The following LTK variants were observed in gnomAD, a reference collection of about 807,000 sequenced individuals.
LTK encodes the protein leukocyte tyrosine kinase receptor.
A neutral mutation model predicts 101.5 loss-of-function variants in LTK; 117 were observed. The ratio of observed to expected loss-of-function variants is 1.15; its 90% confidence interval spans 0.99 to 1.34. The LOEUF is 1.34. Ranked by LOEUF, LTK falls within the 40% of genes most tolerant of loss-of-function variation. The pLI is 0.00. For synonymous variants in LTK, 563 were observed against 494.2 expected (o/e 1.14, Z -1.85); for missense variants, 1,252 against 1,164.7 (o/e 1.07, Z -1.09).
chr15:41,507,242 G>A lies in LTK; in HGVS notation c.1394C>T (p.Pro465Leu). Reference sequence around the variant, plus strand: ...TCGAAGCTTGCTCAGCTCAAGCTCAGGGCTCGGCAGCCTCATCTCCTGCAG... The same window carrying A: ...TCGAAGCTTGCTCAGCTCAAGCTCAAGGCTCGGCAGCCTCATCTCCTGCAG... The part of the protein sequence containing the change: ...QGLQEMRLPS[P>L]ELELSKLRTS... The change falls in exon 11 of 20, where the codon CCT becomes CTT. Residue 465 changes from proline to leucine, a missense_variant. Physicochemically the swap from Pro to Leu is moderately conservative, Grantham distance 98. Transcript: ENST00000263800. The A allele has an allele frequency of 6.2e-7, 1 of 1,603,704 alleles. No homozygotes were observed. The highest frequency in any genetic ancestry group is 1.1e-5 in the South Asian group (1 of 90,726).
chr15:41,505,178 G>T (rs373624324), intron 15 of LTK, 30 bp downstream of exon 15: 3 of 1,605,012 alleles, frequency 1.9e-6, no homozygotes, highest in Non-Finnish European at 2.6e-6. Context: ...AGTTGGGATG[G>T]GGGTCCCCTG....
Position 41,511,479 on chromosome 15 carries a change from CG to C in LTK, c.756del (p.Glu253ArgfsTer121). On this transcript the variant is annotated frameshift_variant, in exon 6 of 20. Coordinates refer to ENST00000263800, the MANE Select transcript of LTK (RefSeq NM_002344.6). LOFTEE classifies it high-confidence loss of function. The surrounding 1 kb of genome is among the most constrained non-coding windows in gnomAD (Gnocchi z 5.9). ...GCCTCCGAGCGGTTCTCCAGTTTCT[CG>C]GGGGAGGCCTGAGTCCGGCCTCGGT... ...PRDRGRTQAS[P>X]EKLENRSEAP... 1 of 1,467,260 alleles carries C rather than the reference CG, an allele frequency of 6.8e-7. No individual in the cohort carries two copies. 90.9% of individuals were successfully genotyped at this position (1,467,260 alleles called of 1,614,324 possible).
At chr15:41,510,690 A>G (rs2051429778) in intron 7 of LTK, among the ~76,000 whole-genome samples, 1 of 151,872 alleles carries the variant, frequency 6.6e-6, no homozygotes, top group African/African-American at 2.4e-5. Context: ...CGAACTGGTG[A>G]CCTCAGGTGA....
chr15:41,512,073 C>T, intron 4 of LTK, 42 bp downstream of exon 4: 1 of 1,536,654 alleles, frequency 6.5e-7, no homozygotes, highest in South Asian at 1.2e-5. Context: ...CAGCCCTCGC[C>T]CCCGGCGCCG....
At chr15:41,512,915 C>T in intron 2 of LTK, 37 bp from the exon 3 acceptor site, 2 of 1,607,654 alleles carry the variant, frequency 1.2e-6, no homozygotes, top group South Asian at 1.1e-5. Context: ...CGTCGAGCCC[C>T]TGGCTGGGCC....
rs146631129 is a variant in LTK, at chr15:41,505,571, A to G, written c.1698-41T>C. The G allele has an allele frequency of 1.4e-3, 2,318 of 1,612,476 alleles. 28 individuals carry two copies. The African/African-American group carries it at 0.028, about 19-fold the overall frequency. ...GACATATCCCGTTACCAGGAGGGAG[A>G]CGGAAACCATGTTTTAGGCTCCACA... On this transcript the variant is annotated intron_variant, in intron 13 of 19. Transcript: ENST00000263800.
In LTK at chr15:41,511,912, C is replaced by T. The variant is rs1471834677; in HGVS notation, c.562G>A (p.Glu188Lys). ...VCLGESRAVE[E>K]HAAMDGSEGV... Reference sequence around the variant, plus strand: ...TCGCTCCCATCCATCGCCGCGTGCTCTTCAACGGCTCGAGACTCCCCGAGG... The same window carrying T: ...TCGCTCCCATCCATCGCCGCGTGCTTTTCAACGGCTCGAGACTCCCCGAGG... Residue 188 changes from glutamate (E) to lysine (K), a missense_variant, in exon 5 of 20, where the codon GAG becomes AAG. Physicochemically the swap from Glu to Lys is moderately conservative, Grantham distance 56 (BLOSUM62 1). Coordinates refer to ENST00000263800, the MANE Select transcript of LTK (RefSeq NM_002344.6). The surrounding 1 kb of genome is among the most constrained non-coding windows in gnomAD (Gnocchi z 5.9). 22 of 1,500,750 alleles carry T rather than the reference C, an allele frequency of 1.5e-5. No individual in the cohort carries two copies. Among genetic ancestry groups the T allele is most frequent in the Non-Finnish European group, 1.8e-5 (21 of 1,139,982 alleles). The allele number at this position is 1,500,750 out of a possible 1,614,324, so 93.0% of individuals were successfully genotyped here. A position where few individuals can be genotyped will look rare whatever the true frequency, so the allele number is the denominator to read the frequency against.
intron 1 of LTK, 87 bp from the exon 2 acceptor site, chr15:41,513,207 T>C (rs2051551785): frequency 1.4e-6 from 2 of 1,463,348 alleles, no homozygotes; most frequent in African/African-American, 2.9e-5. Context: ...ACAGCTGCCC[T>C]TGCGGTCGCG....
At chr15:41,508,583 A>G (rs2051360468) in intron 8 of LTK, among the ~76,000 whole-genome samples, 1 of 150,254 alleles carries the variant, frequency 6.7e-6, no homozygotes. Context: ...AAATAAATAA[A>G]TAAATAAATA....
Position 41,511,512 on chromosome 15 carries a change from G to C in LTK, c.724C>G (p.Pro242Ala). Residue 242 changes from proline (P) to alanine (A), a missense_variant, in exon 6 of 20, where the codon CCG becomes GCG. Physicochemically the swap from Pro to Ala is conservative, Grantham distance 27. Transcript: ENST00000263800. The surrounding 1 kb of genome is among the most constrained non-coding windows in gnomAD (Gnocchi z 5.9). ...AGGGGRAYLR[P>A]RDRGRTQASP... ...GCCTGAGTCCGGCCTCGGTCCCGCG[G>C]CCTCAGGTAGGCCCGACCGCCGCCT... 1 of 1,480,606 alleles carries C rather than the reference G, an allele frequency of 6.8e-7. No individual in the cohort carries two copies. Among genetic ancestry groups the C allele is most frequent in the Non-Finnish European group, 8.9e-7 (1 of 1,125,814 alleles). The allele number at this position is 1,480,606 out of a possible 1,614,324, so 91.7% of individuals were successfully genotyped here. A position where few individuals can be genotyped will look rare whatever the true frequency, so the allele number is the denominator to read the frequency against.
chr15:41,511,525 C>T lies in LTK; in HGVS notation c.711G>A (p.Arg237=), dbSNP rs780156684. ...PLLVAAGGGG[R]AYLRPRDRGR... ...CTCGGTCCCGCGGCCTCAGGTAGGC[C>T]CGACCGCCGCCTCCGGCCGCCACCA... is the stretch of plus-strand genomic sequence containing the variant. Residue 237 remains arginine, a synonymous_variant, in exon 6 of 20, where the codon CGG becomes CGA. Coordinates refer to ENST00000263800, the MANE Select transcript of LTK (RefSeq NM_002344.6). The surrounding 1 kb of genome is among the most constrained non-coding windows in gnomAD (Gnocchi z 5.9). 7 of 1,466,590 alleles carry T rather than the reference C, an allele frequency of 4.8e-6. No homozygotes were observed. The highest frequency in any genetic ancestry group is 6.2e-6 in the Non-Finnish European group (7 of 1,120,426). The allele number at this position is 1,466,590 out of a possible 1,614,324, so 90.8% of individuals were successfully genotyped here.
intron 7 of LTK, among the ~76,000 whole-genome samples, chr15:41,510,873 T>C (rs2051434736): frequency 1.3e-5 from 2 of 152,216 alleles, no homozygotes; most frequent in Admixed American, 1.3e-4. Flanking sequence ...TTGCTCAGCT[T>C]GCTCACTCGG....
chr15:41,505,657 CTG>C (rs1464484402), intron 13 of LTK, 54 bp downstream of exon 13: 11 of 1,609,832 alleles, frequency 6.8e-6, no homozygotes, highest in Non-Finnish European at 9.3e-6. Flanking sequence ...TGAAGAGAAA[CTG>C]TTCCCGGGCA....
chr15:41,511,860 G>A lies in LTK; in HGVS notation c.614C>T (p.Ala205Val). The change falls in exon 5 of 20, where the codon GCG (alanine) becomes GTG (valine). Residue 205 changes from alanine to valine, a missense_variant. Ala to Val is a moderately conservative substitution (Grantham distance 64). Transcript: ENST00000263800. The surrounding 1 kb of genome is among the most constrained non-coding windows in gnomAD (Gnocchi z 5.9). ...SEGVPGSRRW[A>V]GGGGGGGGAT... is the part of the protein sequence containing the mutation. ...GCCCCCGCCACCCCCGCCACCTCCC[G>A]CCCAGCGCCGCGACCCCGGGACCCC... The A allele has an allele frequency of 1.3e-5, 7 of 549,948 alleles. No individual in the cohort carries two copies. The highest frequency in any genetic ancestry group is 1.8e-5 in the South Asian group (1 of 55,200). The allele number at this position is 549,948 out of a possible 1,614,324, so 34.1% of individuals were successfully genotyped here. A position where few individuals can be genotyped will look rare whatever the true frequency, so the allele number is the denominator to read the frequency against.
chr15:41,511,425 C>A lies in LTK; in HGVS notation c.811G>T (p.Ala271Ser). Residue 271 changes from alanine to serine, a missense_variant, in exon 6 of 20, where the codon GCA becomes TCA. Ala to Ser is a moderately conservative substitution (Grantham distance 99). Transcript: ENST00000263800. This position sits in a 1 kb window ranked among gnomAD's most constrained non-coding sequence, Gnocchi z 5.9. ...APGSGGRGGA[A>S]GGGGGWTSRA... The stretch of plus-strand genomic sequence containing the variant: ...TCCCCGCGGCCCGCGCCCTCACCTG[C>A]CGCCCCGCCTCTCCCGCCGCTCCCG... The A allele has an allele frequency of 1.4e-6, 2 of 1,388,398 alleles. No homozygotes were observed. The highest frequency in any genetic ancestry group is 1.9e-6 in the Non-Finnish European group (2 of 1,080,596). The allele number at this position is 1,388,398 out of a possible 1,614,324, so 86.0% of individuals were successfully genotyped here. A position where few individuals can be genotyped will look rare whatever the true frequency, so the allele number is the denominator to read the frequency against.
At position 41,509,053 on chromosome 15, in the gene LTK, C is replaced by T; in HGVS notation, c.1074G>A (p.Glu358=). The T allele has an allele frequency of 6.2e-7, 1 of 1,610,034 alleles. No homozygotes were observed. The highest frequency in any genetic ancestry group is 8.5e-7 in the Non-Finnish European group (1 of 1,178,300). Reference sequence around the variant, plus strand: ...TACCTGCCAGAGGCTGCAGGAAGAGCTCGCTGCTGGGGTGTATGAAGGATA... The same window carrying T: ...TACCTGCCAGAGGCTGCAGGAAGAGTTCGCTGCTGGGGTGTATGAAGGATA... ...DGVSFIHPSS[E]LFLQPLAVTE... is the part of the protein sequence containing the mutation. Residue 358 remains glutamate, a synonymous_variant, in exon 8 of 20, where the codon GAG becomes GAA. Coordinates refer to ENST00000263800, the MANE Select transcript of LTK (RefSeq NM_002344.6).
chr15:41,503,748 G>C lies in LTK; in HGVS notation c.*248C>G, dbSNP rs1475410619. On this transcript the variant is annotated 3_prime_UTR_variant, in exon 20 of 20. Coordinates refer to ENST00000263800, the MANE Select transcript of LTK (RefSeq NM_002344.6). ...CCAGTGCTCCCCATGGACACCTGGGGTGTGTGTAAGGCGGCCTCTGGCCCC... is the reference window on the plus strand; with the variant it reads ...CCAGTGCTCCCCATGGACACCTGGGCTGTGTGTAAGGCGGCCTCTGGCCCC... 9.3e-6 allele frequency: 6 copies of C among 645,274 alleles called. No individual in the cohort carries two copies. Among genetic ancestry groups the C allele is most frequent in the Non-Finnish European group, 1.7e-5 (6 of 351,568 alleles). The allele number at this position is 645,274 out of a possible 1,614,324, so 40.0% of individuals were successfully genotyped here. A position where few individuals can be genotyped will look rare whatever the true frequency, so the allele number is the denominator to read the frequency against.
chr15:41,507,590 G>C lies in LTK; in HGVS notation c.1317C>G (p.Leu439=). 6.2e-7 allele frequency: 1 copy of C among 1,614,012 alleles called. No individual in the cohort carries two copies. The highest frequency in any genetic ancestry group is 8.5e-7 in the Non-Finnish European group (1 of 1,180,000). The change falls in exon 10 of 20, where the codon CTC becomes CTG. Residue 439 remains leucine, a synonymous_variant. Coordinates refer to ENST00000263800, the MANE Select transcript of LTK (RefSeq NM_002344.6). Reference sequence around the variant, plus strand: ...GAATCAGGACCCCACACACCATAAGGAGGCTCAGTGTTGAGGTTGCCACCA... The same window carrying C: ...GAATCAGGACCCCACACACCATAAGCAGGCTCAGTGTTGAGGTTGCCACCA... ...VAVVATSTLS[L]LMVCGVLILV... is the part of the protein sequence containing the mutation.
rs2051308913 is a variant in LTK, at chr15:41,507,079, GAGGCAGAAGAC to G, written c.1541+5_1541+15del. The G allele has an allele frequency of 1.2e-6, 2 of 1,604,980 alleles. No homozygotes were observed. The highest frequency in any genetic ancestry group is 3.5e-5 in the Admixed American group (2 of 56,896). ...TTCAGAGTGCATAGGTTCTCAGAAG[GAGGCAGAAGAC>G]TTACCTGAGCAGAGTAACATTGGCT... On this transcript the variant is annotated splice_donor_5th_base_variant and intron_variant, in intron 11 of 19. Coordinates refer to ENST00000263800, the MANE Select transcript of LTK (RefSeq NM_002344.6).
Sources: gnomAD v4.1 joint callset for allele counts (sites outside exome capture counted in the v4.1 genomes callset) on GRCh38, gnomAD v4.1.1 for gene constraint, Gnocchi (gnomAD v3.1) non-coding constraint, MANE v1.5 for transcripts, NCBI Gene and HGNC (gene_info 2026-07-23, HGNC 2026-07-21) for gene names.